Variants in DGKB observed in about 807,000 individuals in gnomAD.
DGKB encodes 90 kDa diacylglycerol kinase.
DGKB carries 67 observed loss-of-function variants against 114.3 expected under a neutral mutation model. The observed-to-expected ratio is 0.59, with a 90% CI of 0.48 to 0.72. The LOEUF (loss-of-function observed/expected upper bound fraction) is 0.72, where lower values mean the gene tolerates loss of function less well. Ranked by LOEUF, DGKB falls within the 30% of genes least tolerant of loss-of-function variation. The probability of loss-of-function intolerance (pLI) is 0.00; values close to 1 mark genes in which losing one functional copy is unlikely to be tolerated. For synonymous variants in DGKB, 398 were observed against 323.1 expected, an observed-to-expected ratio of 1.23 and a Z score of -2.49; for missense variants, 907 against 975.2, an observed-to-expected ratio of 0.93 and a Z score of 0.93.
chr7:14,267,117 GT>G (rs1462828003), intron 23 of DGKB, among the ~76,000 whole-genome samples: 1 of 152,112 alleles, frequency 6.6e-6, no homozygotes, highest in African/African-American at 2.4e-5. Flanking sequence ...GTTTTTTGAT[GT>G]TTTTTCTATC....
chr7:14,908,429 G>A (rs894070850), intron 1 of DGKB, among the ~76,000 whole-genome samples: 15 of 152,104 alleles, frequency 9.9e-5, no homozygotes, highest in African/African-American at 3.6e-4. Context: ...ATATGGACTT[G>A]TATCAAATAA....
intron 21 of DGKB, among the ~76,000 whole-genome samples, chr7:14,427,366 G>A (rs950332712): frequency 2.0e-5 from 3 of 152,068 alleles, no homozygotes; most frequent in Admixed American, 6.6e-5. Context: ...TTTGGTCAAA[G>A]CCATTCAACA....
chr7:14,353,588 C>T (rs933731272), intron 21 of DGKB, among the ~76,000 whole-genome samples: 12 of 152,106 alleles, frequency 7.9e-5, no homozygotes, highest in African/African-American at 2.7e-4. Context: ...AATTTTTACT[C>T]GTGAGAGATA....
chr7:14,299,098 G>C (rs1421047340), intron 23 of DGKB, among the ~76,000 whole-genome samples: 1 of 152,080 alleles, frequency 6.6e-6, no homozygotes, highest in Non-Finnish European at 1.5e-5. Flanking sequence ...GTTGGTGGGA[G>C]TGTAAATTTG....
At chr7:14,499,150 G>T (rs1785743153) in intron 20 of DGKB, among the ~76,000 whole-genome samples, 1 of 151,582 alleles carries the variant, frequency 6.6e-6, no homozygotes, top group Non-Finnish European at 1.5e-5. Flanking sequence ...ATTTTGCACT[G>T]GTTGCTTGAG....
chr7:14,735,981 A>G, intron 5 of DGKB, 60 bp downstream of exon 5: 1 of 997,116 alleles, frequency 1.0e-6, no homozygotes, highest in South Asian at 2.4e-5. Flanking sequence ...TATGATAACT[A>G]GATATTTATT....
At chr7:14,923,311 C>A (rs140696556) in intron 1 of DGKB, among the ~76,000 whole-genome samples, 3,036 of 152,166 alleles carry the variant, frequency 0.02, 41 homozygotes, top group Non-Finnish European at 0.031. Context: ...TCCCCTATTG[C>A]ACTTTTGTTC....
intron 23 of DGKB, among the ~76,000 whole-genome samples, chr7:14,269,842 T>G (rs1015184236): frequency 1.3e-5 from 2 of 152,124 alleles, no homozygotes; most frequent in African/African-American, 4.8e-5. Context: ...TAAAATCAAC[T>G]ACACAGAGAA....
At chr7:14,486,076 A>C (rs1783762588) in intron 20 of DGKB, among the ~76,000 whole-genome samples, 1 of 152,114 alleles carries the variant, frequency 6.6e-6, no homozygotes, top group African/African-American at 2.4e-5. Flanking sequence ...TTTAAAAAAT[A>C]ATTATTCCAT....
At chr7:14,395,070 G>A (rs986928206) in intron 21 of DGKB, among the ~76,000 whole-genome samples, 2 of 151,914 alleles carry the variant, frequency 1.3e-5, no homozygotes, top group African/African-American at 2.4e-5. Flanking sequence ...ACATATTATC[G>A]ATCCTTCATT....
chr7:14,689,166 A>G (rs1394627212), intron 9 of DGKB, among the ~76,000 whole-genome samples: 4 of 151,300 alleles, frequency 2.6e-5, no homozygotes, highest in Non-Finnish European at 5.9e-5. Context: ...TCTCCAAAAA[A>G]AAAATTATGA....
intron 21 of DGKB, among the ~76,000 whole-genome samples, chr7:14,444,921 T>G (rs1830531994): frequency 6.6e-6 from 1 of 151,872 alleles, no homozygotes; most frequent in South Asian, 2.1e-4. Context: ...CTAATAAGTA[T>G]TTCTGTTAAT....
At chr7:14,626,400 A>G (rs1808595892) in intron 14 of DGKB, among the ~76,000 whole-genome samples, 1 of 152,198 alleles carries the variant, frequency 6.6e-6, no homozygotes, top group African/African-American at 2.4e-5. Flanking sequence ...CCCTGCTACT[A>G]CTGCACAACT....
chr7:14,688,172 C>A (rs1306372099), intron 9 of DGKB, among the ~76,000 whole-genome samples: 1 of 151,062 alleles, frequency 6.6e-6, no homozygotes, highest in African/African-American at 2.4e-5. Flanking sequence ...AGAATCTGTC[C>A]CTTCTTTCTA....
intron 23 of DGKB, among the ~76,000 whole-genome samples, chr7:14,204,890 T>A (rs1296979706): frequency 6.6e-6 from 1 of 152,062 alleles, no homozygotes; most frequent in Non-Finnish European, 1.5e-5. Flanking sequence ...TCAGGGAATG[T>A]ATTTTTATTT....
At chr7:14,884,233 T>A (rs576346847) in intron 1 of DGKB, among the ~76,000 whole-genome samples, 1 of 152,120 alleles carries the variant, frequency 6.6e-6, no homozygotes, top group African/African-American at 2.4e-5. Flanking sequence ...AGACCCTTGT[T>A]CTAGGCAACA....
rs1341733912 is a variant in DGKB at position 14,694,163 on chromosome 7, T to G, written c.623A>C (p.Tyr208Ser). Reference protein sequence around the residue: ...ILHEMMEEIDYDHDGTVSLEE... With the variant: ...ILHEMMEEIDSDHDGTVSLEE... ...CAGAGACACGGTTCCATCATGATCA[T>G]AGTCAATTTCTTCCATCATTTCATG... Residue 208 changes from tyrosine to serine, a missense_variant, in exon 9 of 26, where the codon TAT (tyrosine) becomes TCT (serine). Coordinates refer to ENST00000402815, the MANE Select transcript of DGKB (RefSeq NM_001350709.2). 50 of 1,581,662 alleles carry G rather than the reference T, an allele frequency of 3.2e-5. No homozygotes were observed. The highest frequency in any genetic ancestry group is 4.3e-5 in the Non-Finnish European group (50 of 1,162,004).
At chr7:14,732,686 C>T (rs558679066) in intron 5 of DGKB, among the ~76,000 whole-genome samples, 24 of 152,056 alleles carry the variant, frequency 1.6e-4, no homozygotes, top group Non-Finnish European at 3.1e-4. Context: ...ACTACATAGC[C>T]CATATTCCTT....
intron 17 of DGKB, among the ~76,000 whole-genome samples, chr7:14,606,607 A>G (rs1804556713): frequency 6.6e-6 from 1 of 151,954 alleles, no homozygotes; most frequent in Non-Finnish European, 1.5e-5. Flanking sequence ...TTTAAAAAAA[A>G]AAAATGAAGC....
Sources: gnomAD v4.1 joint callset for allele counts (sites outside exome capture counted in the v4.1 genomes callset) on GRCh38, gnomAD v4.1.1 for gene constraint, MANE v1.5 for transcripts, NCBI Gene and HGNC (gene_info 2026-07-23, HGNC 2026-07-21) for gene names.